TSPAN12: variants seen among roughly 807,000 people sequenced by gnomAD.
The protein encoded by TSPAN12 is tetraspanin 12.
TSPAN12 carries 19 observed loss-of-function variants against 39.2 expected under a neutral mutation model. The observed-to-expected ratio is 0.49, with a 90% CI of 0.34 to 0.71. The LOEUF (loss-of-function observed/expected upper bound fraction) is 0.71. Ranked by LOEUF, TSPAN12 falls within the 30% of genes least tolerant of loss-of-function variation. The pLI is 0.01. For synonymous variants in TSPAN12, 119 were observed against 124.8 expected, an observed-to-expected ratio of 0.95 and a Z score of 0.31; for missense variants, 314 against 359.9, an observed-to-expected ratio of 0.87 and a Z score of 1.03.
chr7:120,834,663 C>T (rs1794444889), intron 4 of TSPAN12, among the ~76,000 whole-genome samples: 2 of 152,140 alleles, frequency 1.3e-5, no homozygotes, highest in Non-Finnish European at 2.9e-5. Flanking sequence ...AGCTTTCTCA[C>T]ACTAATCTGT....
intron 7 of TSPAN12, among the ~76,000 whole-genome samples, chr7:120,791,254 G>A (rs897656351): frequency 2.6e-5 from 4 of 151,904 alleles, no homozygotes; most frequent in African/African-American, 9.7e-5. Context: ...GCTTGAACCC[G>A]GGAGGCAGAG....
intron 4 of TSPAN12, among the ~76,000 whole-genome samples, chr7:120,833,868 C>T (rs912709325): frequency 4.6e-5 from 7 of 152,088 alleles, no homozygotes; most frequent in African/African-American, 7.2e-5. Context: ...AATTTCATTT[C>T]GTCTACAGCT....
chr7:120,856,379 C>T (rs554780322), intron 2 of TSPAN12, among the ~76,000 whole-genome samples: 3 of 152,282 alleles, frequency 2.0e-5, no homozygotes, highest in East Asian at 3.9e-4. Context: ...CGCAAACAAG[C>T]AGTTCCCTAA....
At chr7:120,789,260 G>T (rs1402095101) in intron 7 of TSPAN12, among the ~76,000 whole-genome samples, 1 of 152,156 alleles carries the variant, frequency 6.6e-6, no homozygotes, top group Non-Finnish European at 1.5e-5. Context: ...TGGTCTCTAT[G>T]GCAACTACTC....
intron 2 of TSPAN12, among the ~76,000 whole-genome samples, chr7:120,842,624 G>A (rs73425902): frequency 0.012 from 1,783 of 151,972 alleles, 30 homozygotes; most frequent in African/African-American, 0.039. Flanking sequence ...TTTCACAGAG[G>A]GTAAAAACAC....
intron 2 of TSPAN12, among the ~76,000 whole-genome samples, chr7:120,841,720 A>G (rs1794582462): frequency 6.6e-6 from 1 of 152,222 alleles, no homozygotes; most frequent in African/African-American, 2.4e-5. Context: ...TTGTAAGAAA[A>G]AAACCGAAAC....
rs1793499987 is a variant in TSPAN12 at position 120,790,429 on chromosome 7, C to T, written c.613-1532G>A. Among the ~76,000 whole-genome samples the T allele has an allele frequency of 5.3e-5, 8 of 152,258 alleles. 1 individual carries two copies. In the South Asian group the frequency reaches 1.7e-3, roughly 32 times the overall value. The stretch of plus-strand genomic sequence containing the variant: ...CACATTTTAACACTTAGAATAGTGC[C>T]TCATACATGTTAAGAACCCAGTAGG... On this transcript the variant is annotated intron_variant, in intron 7 of 7. Coordinates refer to ENST00000222747, the MANE Select transcript of TSPAN12 (RefSeq NM_012338.4).
chr7:120,821,384 T>C (rs768819106), intron 4 of TSPAN12, among the ~76,000 whole-genome samples: 12 of 148,218 alleles, frequency 8.1e-5, no homozygotes, highest in Non-Finnish European at 1.3e-4. Flanking sequence ...TTTTAGGTAA[T>C]AGAAGATTAA....
intron 4 of TSPAN12, among the ~76,000 whole-genome samples, chr7:120,833,343 T>C (rs2116445247): frequency 6.6e-6 from 1 of 152,088 alleles, no homozygotes; most frequent in South Asian, 2.1e-4. Context: ...AGAGACTTTT[T>C]AGAAAATCAA....
At chr7:120,790,847 T>C (rs935689308) in intron 7 of TSPAN12, among the ~76,000 whole-genome samples, 2 of 152,196 alleles carry the variant, frequency 1.3e-5, no homozygotes, top group Admixed American at 6.5e-5. Flanking sequence ...TTAACATCAT[T>C]ACCAAATAAT....
At chr7:120,798,164 G>C (rs1562937657) in intron 7 of TSPAN12, among the ~76,000 whole-genome samples, 1 of 152,188 alleles carries the variant, frequency 6.6e-6, no homozygotes, top group Non-Finnish European at 1.5e-5. Context: ...AAGAAAAGAA[G>C]AATGCATTTG....
chr7:120,853,469 C>CAGAT (rs978882756), intron 2 of TSPAN12, among the ~76,000 whole-genome samples: 14 of 110,544 alleles, frequency 1.3e-4, no homozygotes, highest in African/African-American at 4.3e-4. Context: ...TCAAGAAATG[C>CAGAT]AGATATATAT....
intron 4 of TSPAN12, 79 bp from the exon 5 acceptor site, chr7:120,815,882 T>C: frequency 1.5e-6 from 2 of 1,314,444 alleles, no homozygotes; most frequent in Non-Finnish European, 2.1e-6. Context: ...GTATTATGTT[T>C]ACCTAGTGAC....
intron 4 of TSPAN12, among the ~76,000 whole-genome samples, chr7:120,817,416 C>T (rs370457015): frequency 0.028 from 4,225 of 151,632 alleles, 187 homozygotes; most frequent in African/African-American, 0.098. Context: ...TATTTGAAGC[C>T]CACATAGCCG....
intron 4 of TSPAN12, among the ~76,000 whole-genome samples, chr7:120,817,527 T>C (rs1794107477): frequency 6.6e-6 from 1 of 152,194 alleles, no homozygotes; most frequent in South Asian, 2.1e-4. Flanking sequence ...TCAAGAATCC[T>C]GTGAAACAGA....
At chr7:120,854,743 G>GT (rs1794837724) in intron 2 of TSPAN12, among the ~76,000 whole-genome samples, 1 of 152,154 alleles carries the variant, frequency 6.6e-6, no homozygotes, top group Non-Finnish European at 1.5e-5. Flanking sequence ...TTGTGTATCT[G>GT]TTGTGGACAG....
chr7:120,799,463 TAC>T, intron 7 of TSPAN12, among the ~76,000 whole-genome samples: 1 of 134,562 alleles, frequency 7.4e-6, no homozygotes, highest in Non-Finnish European at 1.5e-5. Context: ...ATAATTTAAT[TAC>T]ATAATTATTT....
At chr7:120,846,793 T>C (rs369697854) in intron 2 of TSPAN12, among the ~76,000 whole-genome samples, 2 of 152,142 alleles carry the variant, frequency 1.3e-5, no homozygotes, top group Non-Finnish European at 2.9e-5. Context: ...TGAGAAGACA[T>C]AGTACAAGTT....
chr7:120,791,588 C>T (rs1212949371), intron 7 of TSPAN12, among the ~76,000 whole-genome samples: 3 of 152,112 alleles, frequency 2.0e-5, no homozygotes, highest in Admixed American at 6.5e-5. Context: ...AGATCTCCTA[C>T]CTCTTTAGAC....
Sources: allele counts gnomAD v4.1 joint callset (sites outside exome capture counted in the v4.1 genomes callset), GRCh38; gene constraint gnomAD v4.1.1; transcripts MANE v1.5; gene names NCBI Gene and HGNC (gene_info 2026-07-23, HGNC 2026-07-21).